CARMIL1: variants seen among roughly 807,000 people sequenced by gnomAD.
CARMIL1 encodes F-actin-uncapping protein LRRC16A.
Under a neutral mutation model 177.1 loss-of-function variants are expected in CARMIL1, and 90 were observed. The observed-to-expected ratio is 0.51, with a 90% CI of 0.43 to 0.61. CARMIL1 has a LOEUF of 0.61. CARMIL1 is among the 20% of genes least tolerant of loss of function. The probability of loss-of-function intolerance (pLI) is 0.00; values close to 1 mark genes in which losing one functional copy is unlikely to be tolerated. For synonymous variants in CARMIL1, 577 were observed against 606.2 expected, an observed-to-expected ratio of 0.95 and a Z score of 0.71; for missense variants, 1,380 against 1,667.0, an observed-to-expected ratio of 0.83 and a Z score of 3.00.
At chr6:25,417,362 C>T (rs1051522944) in intron 2 of CARMIL1, among the ~76,000 whole-genome samples, 5 of 152,152 alleles carry the variant, frequency 3.3e-5, no homozygotes, top group African/African-American at 1.2e-4. Context: ...GTGTCTCATG[C>T]AACAAAATGA....
rs184132073 is a variant in CARMIL1 at position 25,496,623 on chromosome 6, G to A, written c.1325+1408G>A. On this transcript the variant is annotated intron_variant, in intron 16 of 36. Transcript: ENST00000329474. ...ATAATAAACACCTCATGATTTGGCC[G>A]TTTGTATGGATATTAAGAAAGCTAT... 4.9e-4 allele frequency among the ~76,000 whole-genome samples: 75 copies of A among 152,174 alleles called. No homozygotes were observed. In the South Asian group the frequency reaches 0.012, roughly 24 times the overall value.
In CARMIL1 at chr6:25,426,511, C is replaced by T. The variant is rs776180306; in HGVS notation, c.200C>T (p.Thr67Ile). The T allele has an allele frequency of 1.2e-6, 2 of 1,611,774 alleles. No homozygotes were observed. The highest frequency in any genetic ancestry group is 8.5e-7 in the Non-Finnish European group (1 of 1,178,672). Residue 67 changes from threonine (T) to isoleucine (I), a missense_variant, in exon 4 of 37, where the codon ACC becomes ATC. Physicochemically the swap from Thr to Ile is moderately conservative, Grantham distance 89. Coordinates refer to ENST00000329474, the MANE Select transcript of CARMIL1 (RefSeq NM_017640.6). ...TCCCCTCAATTGCAGCTCGAGTTAA[C>T]CTTCAGCTACTTGGAGATTCATGGC... is the stretch of plus-strand genomic sequence containing the variant. ...TARIPTKLEL[T>I]FSYLEIHGVV...
chr6:25,338,531 A>C (rs1237877361), intron 2 of CARMIL1, among the ~76,000 whole-genome samples: 1 of 146,528 alleles, frequency 6.8e-6, no homozygotes, highest in East Asian at 2.0e-4. Flanking sequence ...TATATGTTTT[A>C]CTCAAAAAAG....
At chr6:25,573,235 CAT>C (rs993189320) in intron 29 of CARMIL1, among the ~76,000 whole-genome samples, 1 of 152,108 alleles carries the variant, frequency 6.6e-6, no homozygotes, top group African/African-American at 2.4e-5. Flanking sequence ...ATTTATCTAT[CAT>C]GTGTTTTTGA....
intron 8 of CARMIL1, among the ~76,000 whole-genome samples, chr6:25,462,596 T>C (rs4320355): frequency 0.74 from 113,137 of 152,038 alleles, 42,284 homozygotes; most frequent in South Asian, 0.86. Context: ...TTCCCCATGC[T>C]GTTGTACGTG....
chr6:25,506,702 T>C (rs1444407746), intron 17 of CARMIL1, among the ~76,000 whole-genome samples: 1 of 152,208 alleles, frequency 6.6e-6, no homozygotes, highest in Admixed American at 6.5e-5. Context: ...CCTATACCAT[T>C]CAGTTTTATG....
At chr6:25,594,218 G>A (rs557088251) in intron 31 of CARMIL1, among the ~76,000 whole-genome samples, 197 bp from the exon 32 acceptor site, 22 of 152,126 alleles carry the variant, frequency 1.4e-4, no homozygotes, top group South Asian at 2.1e-4. Flanking sequence ...GGTGTTTATC[G>A]TGCATCCCTC....
chr6:25,592,973 G>A (rs1277784633), intron 31 of CARMIL1, among the ~76,000 whole-genome samples: 2 of 152,178 alleles, frequency 1.3e-5, no homozygotes, highest in Non-Finnish European at 2.9e-5. Context: ...AAAGAGACAT[G>A]CTAACTTAGT....
At chr6:25,392,159 A>G (rs1409073247) in intron 2 of CARMIL1, among the ~76,000 whole-genome samples, 5 of 151,826 alleles carry the variant, frequency 3.3e-5, no homozygotes, top group East Asian at 3.9e-4. Context: ...CTAACCTGGT[A>G]TATATGATAC....
chr6:25,609,050 T>G (rs9379775), intron 35 of CARMIL1, among the ~76,000 whole-genome samples: 95,543 of 151,928 alleles, frequency 0.63, 30,336 homozygotes, highest in East Asian at 0.83. Context: ...TTACAAGTTT[T>G]TGTTGGGCTG....
intron 33 of CARMIL1, 71 bp downstream of exon 33, chr6:25,600,817 A>G: frequency 7.5e-7 from 1 of 1,329,054 alleles, no homozygotes. Flanking sequence ...TTCATGGTGC[A>G]TGTGATATTT....
chr6:25,313,583 C>T (rs1172989182), intron 2 of CARMIL1, among the ~76,000 whole-genome samples: 1 of 151,580 alleles, frequency 6.6e-6, no homozygotes, highest in Non-Finnish European at 1.5e-5. Context: ...AGGGCCAGGG[C>T]CACCGCTAAC....
intron 12 of CARMIL1, among the ~76,000 whole-genome samples, chr6:25,485,242 A>G (rs1802515024): frequency 6.6e-6 from 1 of 152,142 alleles, no homozygotes; most frequent in African/African-American, 2.4e-5. Flanking sequence ...GGGAGGTCCT[A>G]CGGGCAAAGC....
chr6:25,411,736 C>T lies in CARMIL1; in HGVS notation c.139-8378C>T, dbSNP rs150244440. Among the ~76,000 whole-genome samples the T allele has an allele frequency of 3.2e-3, 482 of 152,268 alleles. 7 individuals are homozygous for T. The highest frequency in any genetic ancestry group is 0.011 in the African/African-American group (453 of 41,550). On this transcript the variant is annotated intron_variant, in intron 2 of 36. Transcript: ENST00000329474. ...ATGGATTTGCACAGGTGTTAGAGTA[C>T]GTAGATTTCCTCTGAAACTAAACAT...
At chr6:25,535,581 G>A (rs1055436531) in intron 24 of CARMIL1, among the ~76,000 whole-genome samples, 2 of 152,088 alleles carry the variant, frequency 1.3e-5, no homozygotes, top group African/African-American at 4.8e-5. Context: ...AACACTATAG[G>A]GTTAGGGTGA....
intron 32 of CARMIL1, among the ~76,000 whole-genome samples, chr6:25,595,669 A>G (rs1040247991): frequency 2.0e-5 from 3 of 152,110 alleles, no homozygotes; most frequent in Non-Finnish European, 4.4e-5. Flanking sequence ...TCCTTCAGAC[A>G]CATCTGTTAA....
chr6:25,586,663 A>G (rs1459393824), intron 31 of CARMIL1, among the ~76,000 whole-genome samples: 2 of 152,134 alleles, frequency 1.3e-5, no homozygotes. Flanking sequence ...AGCCTGGGCA[A>G]CATTGAGCAT....
Position 25,326,873 on chromosome 6 carries a change from C to T in CARMIL1, c.138+41964C>T, listed in dbSNP as rs1785153996. ...TCCCACTGTCACCCAGGCTGGAGTG[C>T]AGTGGCATGATCTTGGCTCACTGCA... On this transcript the variant is annotated intron_variant, in intron 2 of 36. Transcript: ENST00000329474. This position sits in a 1 kb window ranked among gnomAD's most constrained non-coding sequence, Gnocchi z 4.2. Among the ~76,000 whole-genome samples the T allele has an allele frequency of 6.6e-6, 1 of 152,034 alleles. No homozygotes were observed. The highest frequency in any genetic ancestry group is 2.4e-5 in the African/African-American group (1 of 41,396).
rs532616332 is a variant in CARMIL1 at position 25,453,661 on chromosome 6, C to T, written c.614+2950C>T. Among the ~76,000 whole-genome samples, 10 of 152,334 alleles carry T rather than the reference C, an allele frequency of 6.6e-5. No homozygotes were observed. In the South Asian group the frequency reaches 1.4e-3, roughly 22 times the overall value. ...GTGAAGACTCCCGCCTTGGCTTGTGCTCAGGTGCTAGCAGTTTTCCCCACC... is the reference window on the plus strand; with the variant it reads ...GTGAAGACTCCCGCCTTGGCTTGTGTTCAGGTGCTAGCAGTTTTCCCCACC... On this transcript the variant is annotated intron_variant, in intron 8 of 36. Transcript: ENST00000329474.
Sources: allele counts gnomAD v4.1 joint callset (sites outside exome capture counted in the v4.1 genomes callset), GRCh38; gene constraint gnomAD v4.1.1; non-coding constraint Gnocchi (gnomAD v3.1); transcripts MANE v1.5; gene names NCBI Gene and HGNC (gene_info 2026-07-23, HGNC 2026-07-21).